The following CEP63 variants were observed in gnomAD, a reference collection of about 807,000 sequenced individuals.
CEP63 encodes centrosomal protein of 63 kDa.
CEP63 carries 84 observed loss-of-function variants against 89.1 expected under a neutral mutation model. The observed-to-expected ratio is 0.94, with a 90% confidence interval of 0.79 to 1.13. The LOEUF is 1.13. Among genes scored for constraint, CEP63 ranks in the 50% most tolerant of loss-of-function variants. The pLI, the probability that CEP63 is intolerant of heterozygous loss-of-function variation, is 0.00. For missense variants in CEP63, 838 were observed against 813.3 expected, an observed-to-expected ratio of 1.03 and a Z score of -0.37; for synonymous variants, 267 against 272.5, an observed-to-expected ratio of 0.98 and a Z score of 0.20.
chr3:134,627,757 A>G, the CEP63 span: 2 of 1,613,488 alleles, frequency 1.2e-6, no homozygotes, highest in African/African-American at 1.3e-5. Context: ...GGAACTTACC[A>G]TGGGCATCTT....
upstream of CEP63, chr3:134,485,991 G>GC (rs5852785): frequency 1.5e-3 from 1,428 of 939,608 alleles, 11 homozygotes; most frequent in African/African-American, 0.01. Flanking sequence ...CTCCTGCCAC[G>GC]CCCCCCCCCC....
intron 3 of CEP63, among the ~76,000 whole-genome samples, chr3:134,523,187 G>A (rs1001623915): frequency 1.3e-5 from 2 of 152,112 alleles, no homozygotes; most frequent in Admixed American, 1.3e-4. Flanking sequence ...ATTGTTGGCT[G>A]CCTGTATGCC....
chr3:134,625,121 G>A, the CEP63 span: 3 of 1,598,740 alleles, frequency 1.9e-6, no homozygotes, highest in Admixed American at 3.5e-5. Flanking sequence ...AGGCTAGATC[G>A]ATCCCAGGGG....
the CEP63 span, among the ~76,000 whole-genome samples, chr3:134,775,700 A>G: frequency 6.6e-6 from 1 of 152,156 alleles, no homozygotes; most frequent in Non-Finnish European, 1.5e-5. Context: ...CCAGATATTC[A>G]GGAGAAGGGA....
At position 134,564,174 on chromosome 3, in the gene CEP63, G is replaced by C. The variant is rs1957588256; in HGVS notation, c.*2639G>C. Reference sequence around the variant, plus strand: ...TGAGGGCAAGGACTTTGCTTCTCTGGTTCATGGTGGGATCCTCATCACCCA... The same window carrying C: ...TGAGGGCAAGGACTTTGCTTCTCTGCTTCATGGTGGGATCCTCATCACCCA... On this transcript the variant is annotated 3_prime_UTR_variant, in exon 15 of 15. Transcript: ENST00000675561. The C allele has an allele frequency of 1.2e-6, 1 of 805,946 alleles. No individual in the cohort carries two copies. The highest frequency in any genetic ancestry group is 1.5e-6 in the Non-Finnish European group (1 of 666,132). 49.9% of individuals were successfully genotyped at this position (805,946 alleles called of 1,614,324 possible). A position where few individuals can be genotyped will look rare whatever the true frequency, so the allele number is the denominator to read the frequency against.
At chr3:134,749,736 G>GAAAAAAAAAAAAAAAA in the CEP63 span, among the ~76,000 whole-genome samples, 2 of 55,774 alleles carry the variant, frequency 3.6e-5, no homozygotes, top group African/African-American at 1.1e-4. Context: ...AAAAAAAAAG[G>GAAAAAAAAAAAAAAAA]AAAATGATGC....
downstream of CEP63, among the ~76,000 whole-genome samples, chr3:134,589,025 AAG>A (rs1377298422): frequency 1.3e-5 from 2 of 152,222 alleles, no homozygotes; most frequent in Non-Finnish European, 2.9e-5. Context: ...AGAAAATCTG[AAG>A]AGTCATAAAT....
chr3:134,588,014 G>A (rs905505720), downstream of CEP63, among the ~76,000 whole-genome samples: 12 of 152,082 alleles, frequency 7.9e-5, no homozygotes, highest in Non-Finnish European at 2.9e-5. Flanking sequence ...ACTAATATTG[G>A]CTGAGCATGG....
At chr3:134,490,135 G>A (rs1391953832) in intron 1 of CEP63, among the ~76,000 whole-genome samples, 1 of 152,030 alleles carries the variant, frequency 6.6e-6, no homozygotes, top group African/African-American at 2.4e-5. Context: ...TAGGTTAGTC[G>A]TTAGTTCTAG....
chr3:134,600,042 T>C, the CEP63 span, among the ~76,000 whole-genome samples: 5 of 152,200 alleles, frequency 3.3e-5, no homozygotes, highest in Admixed American at 2.0e-4. Context: ...AGTAATCACC[T>C]CTTTCAATTG....
intron 5 of CEP63, 47 bp downstream of exon 5, chr3:134,532,947 G>T: frequency 1.2e-6 from 2 of 1,602,874 alleles, no homozygotes; most frequent in Non-Finnish European, 1.7e-6. Flanking sequence ...CAGCCTTCAC[G>T]TAGGAAAATG....
the CEP63 span, among the ~76,000 whole-genome samples, chr3:134,692,607 C>T: frequency 4.6e-5 from 7 of 152,114 alleles, no homozygotes; most frequent in African/African-American, 1.4e-4. Flanking sequence ...CAAATAATAC[C>T]TTAGTTTATT....
chr3:134,513,563 G>A (rs868281673), intron 3 of CEP63, among the ~76,000 whole-genome samples: 8 of 152,254 alleles, frequency 5.3e-5, no homozygotes, highest in Middle Eastern at 3.4e-3. Context: ...GCGGTTCAGG[G>A]AGGTGTGTCC....
the CEP63 span, among the ~76,000 whole-genome samples, chr3:134,721,823 C>T: frequency 0.016 from 2,488 of 152,136 alleles, 64 homozygotes; most frequent in African/African-American, 0.057. Flanking sequence ...ACAAATCCCA[C>T]TTGTGCATAG....
At chr3:134,636,229 A>AT in the CEP63 span, among the ~76,000 whole-genome samples, 11 of 152,174 alleles carry the variant, frequency 7.2e-5, no homozygotes, top group African/African-American at 2.4e-4. Flanking sequence ...CTTATGAATG[A>AT]TTTTATCAAT....
At chr3:134,765,309 T>A in the CEP63 span, among the ~76,000 whole-genome samples, 3 of 152,240 alleles carry the variant, frequency 2.0e-5, no homozygotes, top group African/African-American at 7.2e-5. Flanking sequence ...TGTTGAGCAC[T>A]GACCAGGCCT....
chr3:134,523,214 C>G (rs1405429875), intron 3 of CEP63, among the ~76,000 whole-genome samples: 2 of 152,048 alleles, frequency 1.3e-5, no homozygotes, highest in Non-Finnish European at 2.9e-5. Flanking sequence ...TGAAATGTGT[C>G]TGTTCATATC....
the CEP63 span, among the ~76,000 whole-genome samples, chr3:134,675,940 A>G: frequency 3.9e-5 from 6 of 152,258 alleles, no homozygotes; most frequent in Admixed American, 2.0e-4. Flanking sequence ...GTGGGAATGT[A>G]AAATGATACA....
chr3:134,486,009 G>T (rs1184359190), upstream of CEP63: 4 of 729,124 alleles, frequency 5.5e-6, no homozygotes, highest in East Asian at 1.3e-4. Flanking sequence ...CCCCTCCCCC[G>T]CATCACGTGT....
Sources: gnomAD v4.1 joint callset for allele counts (sites outside exome capture counted in the v4.1 genomes callset) on GRCh38, gnomAD v4.1.1 for gene constraint, MANE v1.5 for transcripts, NCBI Gene and HGNC (gene_info 2026-07-23, HGNC 2026-07-21) for gene names.